KIF16B: variants seen among roughly 807,000 people sequenced by gnomAD.
The protein encoded by KIF16B is kinesin family member 16B, also known as kinesin-like protein KIF16B.
A neutral mutation model predicts 156.3 loss-of-function variants in KIF16B; 98 were observed. The ratio of observed to expected loss-of-function variants is 0.63; its 90% CI spans 0.53 to 0.74. The LOEUF is 0.74. KIF16B is among the 30% of genes least tolerant of loss of function. The pLI is 0.00. For missense variants in KIF16B, 1,421 were observed against 1,606.5 expected, an observed-to-expected ratio of 0.88 and a Z score of 1.97; for synonymous variants, 564 against 583.7, an observed-to-expected ratio of 0.97 and a Z score of 0.49.
At chr20:16,383,419 A>G (rs1242240545) in intron 17 of KIF16B, among the ~76,000 whole-genome samples, 1 of 152,214 alleles carries the variant, frequency 6.6e-6, no homozygotes, top group Non-Finnish European at 1.5e-5. Context: ...GTGATATTAA[A>G]GTATTAAATA....
At chr20:16,553,050 G>A (rs1227779689) in intron 1 of KIF16B, among the ~76,000 whole-genome samples, 2 of 152,120 alleles carry the variant, frequency 1.3e-5, no homozygotes, top group Admixed American at 1.3e-4. Flanking sequence ...ACAGGCATGA[G>A]CCACCGTACC....
At position 16,379,964 on chromosome 20, in the gene KIF16B, C is replaced by G; in HGVS notation, c.2038G>C (p.Glu680Gln). ...KDLLAEKEKF[E>Q]EERLREQQEI... ...TGCTGTTCCCTCAGCCTCTCCTCTT[C>G]AAATTTTTCCTTCTCCGCAAGTAAA... Residue 680 changes from glutamate to glutamine, a missense_variant, in exon 19 of 26, where the codon GAA becomes CAA. Physicochemically the swap from Glu to Gln is conservative, Grantham distance 29. Coordinates refer to ENST00000354981, the MANE Select transcript of KIF16B (RefSeq NM_024704.5). The G allele has an allele frequency of 6.2e-7, 1 of 1,612,796 alleles. No individual in the cohort carries two copies. The highest frequency in any genetic ancestry group is 8.5e-7 in the Non-Finnish European group (1 of 1,179,744).
In KIF16B at chr20:16,316,392, G is replaced by A. The variant is rs2063698052; in HGVS notation, c.3712-3974C>T. 2.6e-5 allele frequency among the ~76,000 whole-genome samples: 4 copies of A among 152,302 alleles called. No homozygotes were observed. The South Asian group carries it at 8.3e-4, about 32-fold the overall frequency. ...AATATACTACATTAAAGTAGTGAAA[G>A]CATTGGGATAGCAGGGCAGGTGGCA... On this transcript the variant is annotated intron_variant, in intron 24 of 25. Coordinates refer to ENST00000354981, the MANE Select transcript of KIF16B (RefSeq NM_024704.5).
chr20:16,500,427 T>C (rs1171427606), intron 10 of KIF16B, among the ~76,000 whole-genome samples: 1 of 152,168 alleles, frequency 6.6e-6, no homozygotes, highest in African/African-American at 2.4e-5. Context: ...CCCTGGTCTG[T>C]ATTGGTTAGA....
intron 25 of KIF16B, among the ~76,000 whole-genome samples, chr20:16,289,579 CGCGGTG>C (rs749964234): frequency 4.7e-4 from 72 of 152,240 alleles, no homozygotes; most frequent in Admixed American, 1.9e-3. Context: ...TAAGGCCGGG[CGCGGTG>C]GCTCACGCCT....
intron 25 of KIF16B, among the ~76,000 whole-genome samples, chr20:16,285,744 T>C (rs1184156772): frequency 1.3e-5 from 2 of 152,040 alleles, no homozygotes; most frequent in East Asian, 3.8e-4. Flanking sequence ...CTGAGTCCAG[T>C]AGGTTGAGGC....
chr20:16,528,268 G>A, intron 2 of KIF16B, 103 bp downstream of exon 2: 2 of 845,428 alleles, frequency 2.4e-6, no homozygotes, highest in East Asian at 2.5e-5. Flanking sequence ...CTGGAAAGGA[G>A]GGTGTGGAAA....
chr20:16,280,779 A>G (rs563855534), intron 25 of KIF16B, among the ~76,000 whole-genome samples: 1 of 152,234 alleles, frequency 6.6e-6, no homozygotes, highest in South Asian at 2.1e-4. Flanking sequence ...GGGGCTGTCC[A>G]TACTATGCAC....
intron 23 of KIF16B, among the ~76,000 whole-genome samples, chr20:16,350,494 C>T (rs1471316949): frequency 6.6e-6 from 1 of 152,010 alleles, no homozygotes; most frequent in Non-Finnish European, 1.5e-5. Flanking sequence ...AGAGCCAGGA[C>T]ATGGGTATAC....
At chr20:16,304,432 C>T (rs958561536) in intron 25 of KIF16B, among the ~76,000 whole-genome samples, 58 of 152,196 alleles carry the variant, frequency 3.8e-4, no homozygotes, top group African/African-American at 1.4e-3. Context: ...AGCCCCCACA[C>T]TCCAGTTCAG....
intron 25 of KIF16B, among the ~76,000 whole-genome samples, chr20:16,293,672 T>C (rs1471028977): frequency 6.6e-6 from 1 of 152,146 alleles, no homozygotes; most frequent in African/African-American, 2.4e-5. Flanking sequence ...AGCTGCGGTG[T>C]GGCTCAGTCT....
intron 1 of KIF16B, among the ~76,000 whole-genome samples, chr20:16,555,263 C>G (rs2070806033): frequency 6.6e-6 from 1 of 152,234 alleles, no homozygotes; most frequent in African/African-American, 2.4e-5. Context: ...CAAAATAACC[C>G]TATGAATAAG....
intron 12 of KIF16B, among the ~76,000 whole-genome samples, chr20:16,430,946 C>CA (rs1276827454): frequency 1.3e-5 from 2 of 151,206 alleles, no homozygotes; most frequent in East Asian, 3.9e-4. Context: ...AAACAAAAAA[C>CA]AAAAAACAAA....
At chr20:16,491,933 G>A (rs189316062) in intron 12 of KIF16B, among the ~76,000 whole-genome samples, 1 of 152,330 alleles carries the variant, frequency 6.6e-6, no homozygotes, top group African/African-American at 2.4e-5. Context: ...AGGATCTGGT[G>A]ATTTCCAGGG....
rs539280139 is a variant in KIF16B at position 16,484,457 on chromosome 20, T to G, written c.1302+9834A>C. ...TTTGCCTTTCATCTTAAAATACAGT[T>G]GCAAGAGCAGAACTTTAGAAAAGGA... On this transcript the variant is annotated intron_variant, in intron 12 of 25. Coordinates refer to ENST00000354981, the MANE Select transcript of KIF16B (RefSeq NM_024704.5). Among the ~76,000 whole-genome samples the G allele has an allele frequency of 1.8e-4, 28 of 152,312 alleles. No homozygotes were observed. In the South Asian group the frequency reaches 5.8e-3, roughly 32 times the overall value.
chr20:16,482,188 A>G (rs1308367134), intron 12 of KIF16B, among the ~76,000 whole-genome samples: 2 of 152,106 alleles, frequency 1.3e-5, no homozygotes, highest in Non-Finnish European at 2.9e-5. Flanking sequence ...CCCATTTGCT[A>G]ATTATGCTGA....
At chr20:16,393,157 C>T (rs1425463786) in intron 17 of KIF16B, among the ~76,000 whole-genome samples, 1 of 152,006 alleles carries the variant, frequency 6.6e-6, no homozygotes, top group African/African-American at 2.4e-5. Flanking sequence ...CTGATGTACA[C>T]TTAAATATAT....
At chr20:16,493,731 T>C (rs2146932656) in intron 12 of KIF16B, among the ~76,000 whole-genome samples, 1 of 152,314 alleles carries the variant, frequency 6.6e-6, no homozygotes, top group African/African-American at 2.4e-5. Context: ...TTTTGAAGCA[T>C]TATGATAAAT....
chr20:16,401,222 C>T (rs2065649181), intron 17 of KIF16B, among the ~76,000 whole-genome samples: 1 of 152,198 alleles, frequency 6.6e-6, no homozygotes. Context: ...GCATCCAGAA[C>T]CACTGTAATT....
Sources: gnomAD v4.1 joint callset for allele counts (sites outside exome capture counted in the v4.1 genomes callset) on GRCh38, gnomAD v4.1.1 for gene constraint, MANE v1.5 for transcripts, NCBI Gene and HGNC (gene_info 2026-07-23, HGNC 2026-07-21) for gene names.